RIMBP2: variants seen among roughly 807,000 people sequenced by gnomAD.
The protein encoded by RIMBP2 is RIMS binding protein 2.
Under a neutral mutation model 118.6 loss-of-function variants are expected in RIMBP2, and 48 were observed. That is an observed-to-expected ratio of 0.40 (90% CI 0.32 to 0.51). The LOEUF is 0.51. Among genes scored for constraint, RIMBP2 ranks in the 20% least tolerant of loss-of-function variants. The probability of loss-of-function intolerance (pLI) is 0.41; values close to 1 mark genes in which losing one functional copy is unlikely to be tolerated. For missense variants in RIMBP2, 1,551 were observed against 1,768.3 expected, an observed-to-expected ratio of 0.88 and a Z score of 2.20; for synonymous variants, 762 against 742.9, an observed-to-expected ratio of 1.03 and a Z score of -0.42.
intron 1 of RIMBP2, among the ~76,000 whole-genome samples, chr12:130,635,692 A>G (rs2062308660): frequency 1.3e-5 from 2 of 152,096 alleles, no homozygotes; most frequent in African/African-American, 4.8e-5. Context: ...TCACAATGCT[A>G]TCTCATTGTG....
chr12:130,681,977 G>A (rs1215177293), intron 1 of RIMBP2, among the ~76,000 whole-genome samples: 1 of 152,192 alleles, frequency 6.6e-6, no homozygotes, highest in Non-Finnish European at 1.5e-5. Flanking sequence ...GATTACAGGA[G>A]TGAGCCACCG....
At chr12:130,695,371 C>T (rs1034611562) in intron 1 of RIMBP2, among the ~76,000 whole-genome samples, 3 of 152,224 alleles carry the variant, frequency 2.0e-5, no homozygotes, top group African/African-American at 7.2e-5. Context: ...ATAAGTGACA[C>T]ACTGTCTCAG....
At chr12:130,569,753 G>A (rs541782642) in intron 2 of RIMBP2, among the ~76,000 whole-genome samples, 3 of 152,216 alleles carry the variant, frequency 2.0e-5, no homozygotes, top group Admixed American at 1.3e-4. Flanking sequence ...ATGACTGAGC[G>A]TTTCCTGAGG....
chr12:130,645,214 T>C (rs7132495), intron 1 of RIMBP2, among the ~76,000 whole-genome samples: 147,910 of 152,084 alleles, frequency 0.97, 72,046 homozygotes, highest in East Asian at 1. Context: ...CCGCCTCAGG[T>C]CCCCGAGTAG....
chr12:130,414,413 CT>C (rs1298917507), intron 17 of RIMBP2, 107 bp from the exon 18 acceptor site: 19 of 1,157,024 alleles, frequency 1.6e-5, no homozygotes, highest in Non-Finnish European at 2.1e-5. Flanking sequence ...GGTTCCTTGA[CT>C]TTTGTCTTTT....
Position 130,683,164 on chromosome 12 carries a change from A to G in RIMBP2, c.-352+33058T>C, listed in dbSNP as rs1017621246. On this transcript the variant is annotated intron_variant, in intron 1 of 22. Transcript: ENST00000690449. The surrounding 1 kb of genome is among the most constrained non-coding windows in gnomAD (Gnocchi z 4.4). ...CCAGGGGGGTTGGGGTGGACCCTCC[A>G]TCTGATGAGAGTGTCCACATAAGAG... is the stretch of plus-strand genomic sequence containing the variant. 6.6e-6 allele frequency among the ~76,000 whole-genome samples: 1 copy of G among 152,200 alleles called. No homozygotes were observed. Among genetic ancestry groups the G allele is most frequent in the African/African-American group, 2.4e-5 (1 of 41,452 alleles).
intron 6 of RIMBP2, among the ~76,000 whole-genome samples, chr12:130,458,916 C>T (rs923119856): frequency 2.6e-5 from 4 of 151,678 alleles, no homozygotes; most frequent in Non-Finnish European, 5.9e-5. Flanking sequence ...GGGAGACACG[C>T]GCCTGTAGTC....
intron 2 of RIMBP2, among the ~76,000 whole-genome samples, chr12:130,588,041 C>A (rs184275207): frequency 1.2e-4 from 18 of 152,108 alleles, no homozygotes; most frequent in African/African-American, 4.1e-4. Flanking sequence ...ATCTCAATCC[C>A]GTTCCTGTCC....
At chr12:130,676,444 G>A (rs1180430923) in intron 1 of RIMBP2, among the ~76,000 whole-genome samples, 1 of 151,664 alleles carries the variant, frequency 6.6e-6, no homozygotes, top group African/African-American at 2.4e-5. Context: ...CCAACATGGT[G>A]AAACCCCATC....
chr12:130,715,929 C>A (rs1387331443), intron 1 of RIMBP2, among the ~76,000 whole-genome samples: 1 of 152,142 alleles, frequency 6.6e-6, no homozygotes, highest in African/African-American at 2.4e-5. Flanking sequence ...AGCCACAGCA[C>A]CCCTGCAGCT....
intron 14 of RIMBP2, chr12:130,430,361 G>T (rs888244408): frequency 1.3e-5 from 2 of 152,190 alleles, no homozygotes; most frequent in East Asian, 3.9e-4. Flanking sequence ...GGAGGCCTGT[G>T]GCTATAAATT....
chr12:130,552,928 G>A (rs11060991), intron 2 of RIMBP2, among the ~76,000 whole-genome samples: 18,738 of 151,930 alleles, frequency 0.12, 1,251 homozygotes, highest in East Asian at 0.19. Flanking sequence ...CGAGGCAGGC[G>A]GATCACGAGG....
intron 9 of RIMBP2, among the ~76,000 whole-genome samples, chr12:130,449,447 G>A (rs984541196): frequency 2.6e-5 from 4 of 152,214 alleles, no homozygotes; most frequent in South Asian, 4.1e-4. Context: ...CCCTGCACGG[G>A]AAGCCCACTC....
At position 130,643,114 on chromosome 12, in the gene RIMBP2, G is replaced by A. The variant is rs574623027; in HGVS notation, c.-351-14658C>T. The stretch of plus-strand genomic sequence containing the variant: ...CTGGCTGTGCTTACACGAAGTCCCC[G>A]CAACAGCCACCTGCCAACCTGTGCC... On this transcript the variant is annotated intron_variant, in intron 1 of 22. Transcript: ENST00000690449. Among the ~76,000 whole-genome samples the A allele has an allele frequency of 3.9e-5, 6 of 152,300 alleles. No individual in the cohort carries two copies. In the East Asian group the frequency reaches 5.8e-4, roughly 15 times the overall value.
At chr12:130,535,716 T>TATATAC (rs1173413756) in intron 2 of RIMBP2, among the ~76,000 whole-genome samples, 3 of 77,020 alleles carry the variant, frequency 3.9e-5, no homozygotes, top group Non-Finnish European at 8.0e-5. Flanking sequence ...CATATACATA[T>TATATAC]ACATATATAT....
chr12:130,645,843 A>G, intron 1 of RIMBP2, among the ~76,000 whole-genome samples: 1 of 152,166 alleles, frequency 6.6e-6, no homozygotes, highest in Non-Finnish European at 1.5e-5. Flanking sequence ...TTTCTTACCA[A>G]CAGAAATCTG....
intron 1 of RIMBP2, among the ~76,000 whole-genome samples, chr12:130,715,902 G>T (rs2136941496): frequency 6.6e-6 from 1 of 152,228 alleles, no homozygotes; most frequent in South Asian, 2.1e-4. Context: ...AAAAGCCTGG[G>T]GTGGGGGCCA....
At chr12:130,436,358 T>A (rs2077515268) in intron 13 of RIMBP2, among the ~76,000 whole-genome samples, 2 of 152,200 alleles carry the variant, frequency 1.3e-5, no homozygotes, top group South Asian at 4.1e-4. Flanking sequence ...TGTATATACA[T>A]GAGGGTGCAT....
At chr12:130,657,566 C>T (rs1023005514) in intron 1 of RIMBP2, among the ~76,000 whole-genome samples, 2 of 152,194 alleles carry the variant, frequency 1.3e-5, no homozygotes, top group African/African-American at 4.8e-5. Flanking sequence ...AGCAATGCAG[C>T]GGCATCCACC....
Sources: allele counts gnomAD v4.1 joint callset (sites outside exome capture counted in the v4.1 genomes callset), GRCh38; gene constraint gnomAD v4.1.1; non-coding constraint Gnocchi (gnomAD v3.1); transcripts MANE v1.5; gene names NCBI Gene and HGNC (gene_info 2026-07-23, HGNC 2026-07-21).